Variants in RGS7 observed in about 807,000 individuals in gnomAD.
RGS7 encodes regulator of G-protein signaling 7.
RGS7 carries 27 observed loss-of-function variants against 81.1 expected under a neutral mutation model. The observed-to-expected ratio is 0.33, with a 90% confidence interval of 0.25 to 0.46. The LOEUF is 0.46. Among genes scored for constraint, RGS7 ranks in the 20% least tolerant of loss-of-function variants. The pLI, the probability that RGS7 is intolerant of heterozygous loss-of-function variation, is 1.00. For missense variants in RGS7, 396 were observed against 607.4 expected (o/e 0.65, Z 3.66); for synonymous variants, 208 against 207.7 (o/e 1.00, Z -0.01).
chr1:241,011,324 G>T (rs1297519975), intron 3 of RGS7, among the ~76,000 whole-genome samples: 1 of 152,150 alleles, frequency 6.6e-6, no homozygotes, highest in Admixed American at 6.5e-5. Flanking sequence ...AGCAGGGGAG[G>T]AAACGGCCTC....
chr1:241,302,014 A>T (rs893511130), intron 2 of RGS7, among the ~76,000 whole-genome samples: 8 of 152,258 alleles, frequency 5.3e-5, no homozygotes, highest in Admixed American at 1.3e-4. Flanking sequence ...GTTCTGGGCC[A>T]GAGCTGTGGG....
At chr1:240,805,493 GT>G (rs1688693720) in intron 15 of RGS7, among the ~76,000 whole-genome samples, 2 of 152,154 alleles carry the variant, frequency 1.3e-5, no homozygotes. Flanking sequence ...AATTCAAGTT[GT>G]TTCTACAAAG....
intron 17 of RGS7, 117 bp downstream of exon 17, chr1:240,801,338 G>T (rs974440558): frequency 1.4e-6 from 1 of 711,500 alleles, no homozygotes; most frequent in Non-Finnish European, 2.5e-6. Context: ...TTGAATAAAA[G>T]AAACACTTTT....
In RGS7 at chr1:240,812,020, A is replaced by C; in HGVS notation, c.980T>G (p.Val327Gly). Residue 327 changes from valine to glycine, a missense_variant, in exon 14 of 19, where the codon GTA (valine) becomes GGA (glycine). Val to Gly is a moderately radical substitution (Grantham distance 109). Transcript: ENST00000440928. ...EASKEPSQQR[V>G]KRWGFGMDEA... ...GTCCATGCCAAAACCCCATCGTTTT[A>C]CCCTCTGCTGGCTCGGTTCTTTGCT... 6.2e-7 allele frequency: 1 copy of C among 1,614,146 alleles called. No homozygotes were observed. Among genetic ancestry groups the C allele is most frequent in the South Asian group, 1.1e-5 (1 of 91,080 alleles).
At chr1:241,346,293 T>C (rs2082891892) in intron 2 of RGS7, among the ~76,000 whole-genome samples, 1 of 19,110 alleles carries the variant, frequency 5.2e-5, no homozygotes, top group East Asian at 5.5e-3. Context: ...GGCATCTGTG[T>C]TTGCCATGGT....
chr1:241,356,426 C>T (rs529019249), intron 1 of RGS7, among the ~76,000 whole-genome samples: 1 of 152,328 alleles, frequency 6.6e-6, no homozygotes, highest in African/African-American at 2.4e-5. Context: ...ACCGGCTGCT[C>T]TCCTTTCTCC....
At chr1:241,066,579 G>T (rs1344517644) in intron 3 of RGS7, among the ~76,000 whole-genome samples, 2 of 152,062 alleles carry the variant, frequency 1.3e-5, no homozygotes, top group African/African-American at 4.8e-5. Flanking sequence ...TTAAGTTCTT[G>T]CAGACTTCTT....
At chr1:240,852,023 G>A (rs981325668) in intron 9 of RGS7, among the ~76,000 whole-genome samples, 1 of 152,224 alleles carries the variant, frequency 6.6e-6, no homozygotes, top group African/African-American at 2.4e-5. Context: ...CGAGGACAGG[G>A]TTTGAAAGGA....
chr1:240,829,015 G>A (rs1041403590), intron 9 of RGS7, among the ~76,000 whole-genome samples: 12 of 152,126 alleles, frequency 7.9e-5, no homozygotes, highest in African/African-American at 2.9e-4. Context: ...CTACAGTAAC[G>A]GGAATCAGTT....
At chr1:241,106,752 C>CCACCACCA (rs1553421291) in intron 2 of RGS7, among the ~76,000 whole-genome samples, 9 of 121,684 alleles carry the variant, frequency 7.4e-5, no homozygotes, top group African/African-American at 3.0e-4. Context: ...AACACCACCA[C>CCACCACCA]CACACACACA....
chr1:241,276,442 T>C lies in RGS7; in HGVS notation c.78+79257A>G, dbSNP rs529043227. On this transcript the variant is annotated intron_variant, in intron 2 of 18. Coordinates refer to ENST00000440928, the MANE Select transcript of RGS7 (RefSeq NM_001364886.1). ...TCTTCCTAGCCAAAAAGAAAAAATATAGTTCTTAAAGAAGAGTAGGAAATG... is the reference window on the plus strand; with the variant it reads ...TCTTCCTAGCCAAAAAGAAAAAATACAGTTCTTAAAGAAGAGTAGGAAATG... 1.2e-4 allele frequency among the ~76,000 whole-genome samples: 18 copies of C among 152,308 alleles called. No homozygotes were observed. The East Asian group carries it at 3.1e-3, about 26-fold the overall frequency.
chr1:241,262,621 G>A (rs1319510793), intron 2 of RGS7, among the ~76,000 whole-genome samples: 2 of 152,148 alleles, frequency 1.3e-5, no homozygotes, highest in African/African-American at 4.8e-5. Flanking sequence ...TGTTACTATT[G>A]TTCGTAGCAA....
chr1:241,153,506 A>G (rs1261253396), intron 2 of RGS7, among the ~76,000 whole-genome samples: 1 of 152,106 alleles, frequency 6.6e-6, no homozygotes, highest in Non-Finnish European at 1.5e-5. Flanking sequence ...GCAAGGAAGG[A>G]AAATGTGTAA....
chr1:241,126,910 T>C (rs1226815350), intron 2 of RGS7, among the ~76,000 whole-genome samples: 1 of 152,096 alleles, frequency 6.6e-6, no homozygotes, highest in Non-Finnish European at 1.5e-5. Flanking sequence ...CACCATACTA[T>C]TGTTCACTTC....
intron 4 of RGS7, among the ~76,000 whole-genome samples, chr1:240,964,741 T>C (rs150231996): frequency 1.4e-4 from 22 of 152,344 alleles, no homozygotes; most frequent in Admixed American, 3.9e-4. Context: ...CCTATCATAT[T>C]GCAGAGATTT....
intron 6 of RGS7, among the ~76,000 whole-genome samples, chr1:240,911,156 C>T (rs1558453033): frequency 6.6e-6 from 1 of 152,074 alleles, no homozygotes; most frequent in Non-Finnish European, 1.5e-5. Flanking sequence ...CAAATAAATC[C>T]AACTCCCTTC....
intron 2 of RGS7, among the ~76,000 whole-genome samples, chr1:241,127,619 C>G (rs1008885151): frequency 1.3e-5 from 2 of 151,986 alleles, no homozygotes; most frequent in African/African-American, 4.8e-5. Context: ...GTGCAGCACA[C>G]CAACATGGCA....
At chr1:240,985,045 T>A (rs562525590) in intron 3 of RGS7, among the ~76,000 whole-genome samples, 16 of 152,180 alleles carry the variant, frequency 1.1e-4, no homozygotes, top group South Asian at 2.1e-4. Flanking sequence ...AAGGGTCAAA[T>A]GGAAAGGAGA....
At chr1:240,777,371 A>C (rs1358357251) in intron 18 of RGS7, among the ~76,000 whole-genome samples, 2 of 152,242 alleles carry the variant, frequency 1.3e-5, no homozygotes, top group Non-Finnish European at 2.9e-5. Context: ...TTCTATTATA[A>C]AATTATGTGG....
Sources: gnomAD v4.1 joint callset for allele counts (sites outside exome capture counted in the v4.1 genomes callset) on GRCh38, gnomAD v4.1.1 for gene constraint, MANE v1.5 for transcripts, NCBI Gene and HGNC (gene_info 2026-07-23, HGNC 2026-07-21) for gene names.